Variants in NFATC2IP observed in about 807,000 individuals in gnomAD.
NFATC2IP encodes NFATC2-interacting protein.
Under a neutral mutation model 40.2 loss-of-function variants are expected in NFATC2IP, and 25 were observed. That is an observed-to-expected ratio of 0.62 (90% CI 0.45 to 0.87). NFATC2IP has a LOEUF of 0.87. Among genes scored for constraint, NFATC2IP ranks in the 40% least tolerant of loss-of-function variants. NFATC2IP has a pLI of 0.00. For synonymous variants in NFATC2IP, 241 were observed against 236.3 expected (o/e 1.02, Z -0.18); for missense variants, 553 against 555.6 (o/e 1.00, Z 0.05).
intron 2 of NFATC2IP, chr16:28,952,445 G>C: frequency 1.9e-6 from 1 of 538,656 alleles, no homozygotes; most frequent in Middle Eastern, 5.1e-4. Flanking sequence ...GGCAGGAGGC[G>C]GTAAGGTGTT....
rs1965054639 is a variant in NFATC2IP at position 28,959,025 on chromosome 16, A to G, written c.1026A>G (p.Thr342=). ...CVVLTSSPEA[T]ETSQQLQLRV... ...TACTAACAAGTTCTCCAGAGGCCAC[A>G]GAGACGTCCCAACAGCTCCAGCTCC... Residue 342 remains threonine, a synonymous_variant, in exon 7 of 8, where the codon ACA becomes ACG. Coordinates refer to ENST00000320805, the MANE Select transcript of NFATC2IP (RefSeq NM_032815.4). The G allele has an allele frequency of 6.2e-7, 1 of 1,614,096 alleles. No individual in the cohort carries two copies. Among genetic ancestry groups the G allele is most frequent in the Non-Finnish European group, 8.5e-7 (1 of 1,179,934 alleles).
chr16:28,952,675 G>A (rs1262470528), intron 2 of NFATC2IP: 1 of 163,278 alleles, frequency 6.1e-6, no homozygotes, highest in Non-Finnish European at 1.3e-5. Flanking sequence ...TGTACCATGA[G>A]GGAGTACAGT....
chr16:28,966,719 A>G lies in NFATC2IP; in HGVS notation c.*2856A>G, dbSNP rs1443842811. On this transcript the variant is annotated 3_prime_UTR_variant, in exon 8 of 8. Coordinates refer to ENST00000320805, the MANE Select transcript of NFATC2IP (RefSeq NM_032815.4). ...GGTTGCAGTGAGCCAAGATCGCGCC[A>G]TTGCACTCCAGCCTGGGCGACAAGA... is the stretch of plus-strand genomic sequence containing the variant. 2 of 150,404 alleles carry G rather than the reference A, an allele frequency of 1.3e-5. No homozygotes were observed. The allele number at this position is 150,404 out of a possible 1,614,324, so 9.3% of individuals were successfully genotyped here. A position where few individuals can be genotyped will look rare whatever the true frequency, so the allele number is the denominator to read the frequency against.
At chr16:28,958,691 C>G (rs766471443) in intron 5 of NFATC2IP, 26 bp from the exon 6 acceptor site, 1 of 1,594,602 alleles carries the variant, frequency 6.3e-7, no homozygotes, top group Non-Finnish European at 8.5e-7. Flanking sequence ...AGGAAGACCT[C>G]TTTTGCTTGT....
intron 7 of NFATC2IP, among the ~76,000 whole-genome samples, chr16:28,961,879 G>C (rs991565597): frequency 7.9e-6 from 1 of 125,862 alleles, no homozygotes. Context: ...CAGCCTGGGC[G>C]ACAGAGCTAG....
intron 2 of NFATC2IP, 113 bp downstream of exon 2, chr16:28,952,317 G>A: frequency 6.6e-7 from 1 of 1,513,804 alleles, no homozygotes; most frequent in South Asian, 1.2e-5. Context: ...GAAGAGCGTG[G>A]GAGAGGGGAC....
intron 5 of NFATC2IP, chr16:28,958,377 T>C (rs1965044759): frequency 5.8e-6 from 1 of 173,780 alleles, no homozygotes; most frequent in Non-Finnish European, 1.2e-5. Flanking sequence ...AAAAGAAAAA[T>C]ATAGGAAGAT....
At chr16:28,953,728 C>T (rs182374965) in intron 2 of NFATC2IP, among the ~76,000 whole-genome samples, 2 of 151,914 alleles carry the variant, frequency 1.3e-5, no homozygotes, top group East Asian at 1.9e-4. Context: ...GACCAGCCTG[C>T]GCAACATGAT....
rs370945692 is a variant in NFATC2IP at position 28,958,096 on chromosome 16, C to T, written c.847-621C>T. On this transcript the variant is annotated intron_variant, in intron 5 of 7. Transcript: ENST00000320805. ...CCAGCCTGGCCAATATGGTGAAGCC[C>T]GCCTCTACTAAAAATAGAAAGAAAA... Among the ~76,000 whole-genome samples the T allele has an allele frequency of 3.7e-4, 55 of 147,944 alleles. No individual in the cohort carries two copies. In the East Asian group the frequency reaches 9.9e-3, roughly 27 times the overall value.
intron 5 of NFATC2IP, 63 bp downstream of exon 5, chr16:28,956,400 C>T: frequency 1.5e-6 from 2 of 1,297,002 alleles, no homozygotes; most frequent in South Asian, 2.6e-5. Flanking sequence ...TGGTGGTGTC[C>T]AGCAGGGGTG....
chr16:28,955,197 A>AAAGC (rs1175068340), intron 3 of NFATC2IP, among the ~76,000 whole-genome samples: 1 of 151,748 alleles, frequency 6.6e-6, no homozygotes, highest in African/African-American at 2.4e-5. Context: ...CTGTCTCTAA[A>AAAGC]AAGCAAACAA....
At chr16:28,963,430 A>G (rs1320036365) in intron 7 of NFATC2IP, among the ~76,000 whole-genome samples, 1 of 152,138 alleles carries the variant, frequency 6.6e-6, no homozygotes, top group Admixed American at 6.6e-5. Context: ...GACTTGCCTG[A>G]CTTAGAGCCT....
Position 28,959,012 on chromosome 16 carries a change from C to T in NFATC2IP, c.1013C>T (p.Ser338Phe), listed in dbSNP as rs1044772728. 1 of 1,613,930 alleles carries T rather than the reference C, an allele frequency of 6.2e-7. No homozygotes were observed. The highest frequency in any genetic ancestry group is 2.2e-5 in the East Asian group (1 of 44,878). Residue 338 changes from serine to phenylalanine, a missense_variant, in exon 7 of 8, where the codon TCT (serine) becomes TTT (phenylalanine). By Grantham distance (155) the Ser-to-Phe change is radical. Coordinates refer to ENST00000320805, the MANE Select transcript of NFATC2IP (RefSeq NM_032815.4). ...DIIDCVVLTS[S>F]PEATETSQQL... ...ACAGACTGTGTGGTACTAACAAGTT[C>T]TCCAGAGGCCACAGAGACGTCCCAA...
intron 5 of NFATC2IP, 55 bp downstream of exon 5, chr16:28,956,392 G>C (rs1395124271): frequency 9.9e-6 from 14 of 1,408,918 alleles, no homozygotes; most frequent in Non-Finnish European, 1.1e-5. Flanking sequence ...TGGAGAGATG[G>C]TGGTGTCCAG....
In NFATC2IP at chr16:28,967,009, C is replaced by G. The variant is rs1195051729; in HGVS notation, c.*3146C>G. On this transcript the variant is annotated 3_prime_UTR_variant, in exon 8 of 8. Transcript: ENST00000320805. ...GACATGGTACAGCTCTTCACTTTTT[C>G]AGCTTTTTAAATGTCCATTAATAAG... The G allele has an allele frequency of 6.6e-6, 1 of 152,098 alleles. No homozygotes were observed. The highest frequency in any genetic ancestry group is 2.4e-5 in the African/African-American group (1 of 41,428). The allele number at this position is 152,098 out of a possible 1,614,324, so 9.4% of individuals were successfully genotyped here.
At chr16:28,955,292 CTT>C (rs1220170560) in intron 3 of NFATC2IP, among the ~76,000 whole-genome samples, 4 of 152,256 alleles carry the variant, frequency 2.6e-5, no homozygotes, top group African/African-American at 7.2e-5. Context: ...AGAGTTAACA[CTT>C]GGCTAGGCAC....
At chr16:28,959,958 G>A (rs148153922) in intron 7 of NFATC2IP, among the ~76,000 whole-genome samples, 257 of 152,296 alleles carry the variant, frequency 1.7e-3, no homozygotes, top group African/African-American at 5.8e-3. Context: ...CACTTCTGGA[G>A]CCTAGAAGTC....
rs868617569 is a variant in NFATC2IP at position 28,951,367 on chromosome 16, A to T, written c.356A>T (p.Glu119Val). ...RRRRLVLDPG[E>V]APLVPVYSGK... ...CGGCGGCTGGTGCTGGATCCGGGGGAGGCGCCGCTGGTTCCGGTGTACTCG... is the reference window on the plus strand; with the variant it reads ...CGGCGGCTGGTGCTGGATCCGGGGGTGGCGCCGCTGGTTCCGGTGTACTCG... Residue 119 changes from glutamate to valine, a missense_variant, in exon 1 of 8, where the codon GAG (glutamate) becomes GTG (valine). Physicochemically the swap from Glu to Val is moderately radical, Grantham distance 121. Coordinates refer to ENST00000320805, the MANE Select transcript of NFATC2IP (RefSeq NM_032815.4). 1 of 1,402,286 alleles carries T rather than the reference A, an allele frequency of 7.1e-7. No individual in the cohort carries two copies. The allele number at this position is 1,402,286 out of a possible 1,614,324, so 86.9% of individuals were successfully genotyped here.
chr16:28,954,377 T>G (rs770536006), intron 2 of NFATC2IP, among the ~76,000 whole-genome samples, 188 bp from the exon 3 acceptor site: 17 of 152,216 alleles, frequency 1.1e-4, no homozygotes, highest in African/African-American at 2.4e-5. Flanking sequence ...ATGAGCTATC[T>G]TTATACTAAA....
Sources: allele counts gnomAD v4.1 joint callset (sites outside exome capture counted in the v4.1 genomes callset), GRCh38; gene constraint gnomAD v4.1.1; transcripts MANE v1.5; gene names NCBI Gene and HGNC (gene_info 2026-07-23, HGNC 2026-07-21).